The following CD47 variants were observed in gnomAD, a reference collection of about 807,000 sequenced individuals.
CD47 encodes CD47 molecule.
In CD47, 11 loss-of-function variants were observed where a neutral mutation model predicts 44.6. That is an observed-to-expected ratio of 0.25 (90% CI 0.16 to 0.41). CD47 has a LOEUF of 0.41. CD47 is among the 10% of genes least tolerant of loss of function. The probability of loss-of-function intolerance (pLI) is 1.00; values close to 1 mark genes in which losing one functional copy is unlikely to be tolerated. For synonymous variants in CD47, 140 were observed against 136.3 expected, an observed-to-expected ratio of 1.03 and a Z score of -0.19; for missense variants, 306 against 386.7, an observed-to-expected ratio of 0.79 and a Z score of 1.75.
intron 2 of CD47, among the ~76,000 whole-genome samples, chr3:108,073,151 A>G (rs192273639): frequency 3.0e-4 from 46 of 152,086 alleles, no homozygotes; most frequent in African/African-American, 9.9e-4. Context: ...TGCTGACTCT[A>G]CCTTCAAAAT....
chr3:108,058,442 A>G lies in CD47; in HGVS notation c.692-13T>C, dbSNP rs757036243. 2.0e-6 allele frequency: 3 copies of G among 1,523,176 alleles called. No individual in the cohort carries two copies. The highest frequency in any genetic ancestry group is 2.7e-5 in the African/African-American group (2 of 72,818). 94.4% of individuals were successfully genotyped at this position (1,523,176 alleles called of 1,614,324 possible). ...GTTAATCCAATCGCTGGAGGAAGGAAAAGGATGTAACAGAAGCATGTCAAG... is the reference window on the plus strand; with the variant it reads ...GTTAATCCAATCGCTGGAGGAAGGAGAAGGATGTAACAGAAGCATGTCAAG... On this transcript the variant is annotated splice_polypyrimidine_tract_variant and intron_variant, in intron 5 of 10. Coordinates refer to ENST00000361309, the MANE Select transcript of CD47 (RefSeq NM_001777.4).
chr3:108,059,769 TTAAC>T (rs1018541565), intron 4 of CD47, among the ~76,000 whole-genome samples: 4 of 152,218 alleles, frequency 2.6e-5, no homozygotes, highest in African/African-American at 9.6e-5. Flanking sequence ...TGCCTCCTTC[TTAAC>T]TAGTTTACAG....
At chr3:108,060,003 T>C (rs77452075) in intron 4 of CD47, among the ~76,000 whole-genome samples, 2,364 of 152,338 alleles carry the variant, frequency 0.016, 39 homozygotes, top group Non-Finnish European at 0.023. Context: ...GATGGTGTGC[T>C]ATAGTTATTA....
intron 7 of CD47, among the ~76,000 whole-genome samples, chr3:108,056,955 T>A (rs1474468173): frequency 6.6e-6 from 1 of 152,150 alleles, no homozygotes; most frequent in Admixed American, 6.5e-5. Context: ...GCATTAGAGG[T>A]CACTGCTCTT....
chr3:108,051,670 T>C (rs1559978428), intron 8 of CD47: 21 of 579,282 alleles, frequency 3.6e-5, no homozygotes, highest in South Asian at 2.8e-4. Context: ...GCAGAGATAA[T>C]ATAGCCATTA....
intron 3 of CD47, among the ~76,000 whole-genome samples, chr3:108,063,068 A>C (rs555393981): frequency 1.3e-5 from 2 of 152,324 alleles, no homozygotes; most frequent in East Asian, 3.9e-4. Context: ...AACAAAAATA[A>C]AACATCACAA....
intron 5 of CD47, among the ~76,000 whole-genome samples, chr3:108,059,023 T>A (rs2108233288): frequency 6.6e-6 from 1 of 152,324 alleles, no homozygotes; most frequent in African/African-American, 2.4e-5. Context: ...TATTAAGGTT[T>A]GCTAATAATT....
At chr3:108,087,171 C>T (rs1202300203) in intron 1 of CD47, among the ~76,000 whole-genome samples, 1 of 152,118 alleles carries the variant, frequency 6.6e-6, no homozygotes, top group Non-Finnish European at 1.5e-5. Context: ...GCAATCCTAC[C>T]TACTTTTGCC....
At chr3:108,060,714 T>A in intron 4 of CD47, 31 bp downstream of exon 4, 6 of 1,430,382 alleles carry the variant, frequency 4.2e-6, no homozygotes, top group Non-Finnish European at 5.9e-6. Context: ...ATCTACCTCC[T>A]GCGTTCCTGC....
chr3:108,087,237 G>A (rs1339793340), intron 1 of CD47, among the ~76,000 whole-genome samples: 1 of 152,060 alleles, frequency 6.6e-6, no homozygotes, highest in Non-Finnish European at 1.5e-5. Context: ...ACTGGGTTAC[G>A]TACAAAAAGG....
chr3:108,090,745 G>C (rs895339751), intron 1 of CD47, 118 bp downstream of exon 1: 11 of 896,530 alleles, frequency 1.2e-5, no homozygotes, highest in Non-Finnish European at 1.7e-5. Flanking sequence ...CAGGGCCCGA[G>C]TGTTCTGCGC....
At chr3:108,077,269 T>C (rs2079327229) in intron 2 of CD47, among the ~76,000 whole-genome samples, 1 of 152,160 alleles carries the variant, frequency 6.6e-6, no homozygotes, top group African/African-American at 2.4e-5. Flanking sequence ...GTATTCTTAT[T>C]AGAAAAGAAC....
At chr3:108,059,353 T>C (rs959921168) in intron 5 of CD47, 99 bp downstream of exon 5, 4 of 546,568 alleles carry the variant, frequency 7.3e-6, no homozygotes, top group East Asian at 6.7e-5. Context: ...AACCTACTCT[T>C]ATTGAGTTGT....
intron 2 of CD47, among the ~76,000 whole-genome samples, chr3:108,079,473 T>C (rs762139677): frequency 1.6e-4 from 24 of 146,804 alleles, no homozygotes; most frequent in Admixed American, 7.0e-5. Context: ...GAAGAAATCA[T>C]CCATGATAAC....
At chr3:108,055,633 A>T (rs555663028) in intron 7 of CD47, 1 of 874,168 alleles carries the variant, frequency 1.1e-6, no homozygotes, top group African/African-American at 1.7e-5. Context: ...GGACACTATC[A>T]ATAAAATTGC....
chr3:108,045,987 C>T lies in CD47; in HGVS notation c.*1301G>A, dbSNP rs2078716815. On this transcript the variant is annotated 3_prime_UTR_variant, in exon 11 of 11. Coordinates refer to ENST00000361309, the MANE Select transcript of CD47 (RefSeq NM_001777.4). ...CCCACCTTTGTCCATACAGAAGATG[C>T]ATGTGCCTATCTCATACGTATGCAC... The T allele has an allele frequency of 6.6e-6, 1 of 152,188 alleles. No homozygotes were observed. The highest frequency in any genetic ancestry group is 6.5e-5 in the Admixed American group (1 of 15,280). 9.4% of individuals were successfully genotyped at this position (152,188 alleles called of 1,614,324 possible). A position where few individuals can be genotyped will look rare whatever the true frequency, so the allele number is the denominator to read the frequency against.
intron 3 of CD47, among the ~76,000 whole-genome samples, chr3:108,065,710 G>A (rs561337051): frequency 6.7e-6 from 1 of 150,294 alleles, no homozygotes; most frequent in Admixed American, 6.7e-5. Context: ...TACTCGGGAG[G>A]CTGAGACAGA....
intron 8 of CD47, chr3:108,051,716 A>G (rs745478860): frequency 1.6e-6 from 1 of 637,810 alleles, no homozygotes; most frequent in South Asian, 1.4e-5. Flanking sequence ...AGAAGTCAGT[A>G]CAATCTTAAG....
intron 3 of CD47, among the ~76,000 whole-genome samples, chr3:108,067,203 A>G (rs1056817084): frequency 6.6e-6 from 1 of 152,254 alleles, no homozygotes; most frequent in Non-Finnish European, 1.5e-5. Flanking sequence ...GTTATTGATA[A>G]TAACAGAGTT....
Sources: allele counts gnomAD v4.1 joint callset (sites outside exome capture counted in the v4.1 genomes callset), GRCh38; gene constraint gnomAD v4.1.1; transcripts MANE v1.5; gene names NCBI Gene and HGNC (gene_info 2026-07-23, HGNC 2026-07-21).